Variants in TMEM245 observed in about 807,000 individuals in gnomAD.
The protein encoded by TMEM245 is protein CG-2.
A neutral mutation model predicts 101.2 loss-of-function variants in TMEM245; 69 were observed. The observed-to-expected ratio is 0.68, with a 90% CI of 0.56 to 0.83. The LOEUF (loss-of-function observed/expected upper bound fraction) is 0.83, where lower values mean the gene tolerates loss of function less well. TMEM245 is among the 40% of genes least tolerant of loss of function. TMEM245 has a pLI of 0.00. For synonymous variants in TMEM245, 537 were observed against 449.8 expected (o/e 1.19, Z -2.45); for missense variants, 1,075 against 1,092.8 (o/e 0.98, Z 0.23).
chr9:109,053,773 G>A (rs1828754476), intron 12 of TMEM245, among the ~76,000 whole-genome samples: 1 of 152,214 alleles, frequency 6.6e-6, no homozygotes, highest in African/African-American at 2.4e-5. Flanking sequence ...CGGTGAAGGA[G>A]ATTCAAACGC....
intron 17 of TMEM245, among the ~76,000 whole-genome samples, chr9:109,021,288 T>C (rs1163837412): frequency 6.6e-6 from 1 of 152,128 alleles, no homozygotes; most frequent in African/African-American, 2.4e-5. Context: ...GAACATGAGC[T>C]CAAGCACCCA....
At chr9:109,082,475 G>T (rs1829694372) in intron 7 of TMEM245, among the ~76,000 whole-genome samples, 2 of 152,216 alleles carry the variant, frequency 1.3e-5, no homozygotes. Flanking sequence ...GCTTCCTGGG[G>T]AAAGAGCTAG....
In TMEM245 at chr9:109,017,911, TG is replaced by T. The variant is rs1242191590; in HGVS notation, c.*2548del. 1 of 152,242 alleles carries T rather than the reference TG, an allele frequency of 6.6e-6. No individual in the cohort carries two copies. Among genetic ancestry groups the T allele is most frequent in the African/African-American group, 2.4e-5 (1 of 41,468 alleles). 9.4% of individuals were successfully genotyped at this position (152,242 alleles called of 1,614,324 possible). A position where few individuals can be genotyped will look rare whatever the true frequency, so the allele number is the denominator to read the frequency against. ...AGGGTTCCAAGACCTCCCCAGCTAG[TG>T]GACCTTCCTAGTCCTTATGCCGTTG... On this transcript the variant is annotated 3_prime_UTR_variant, in exon 18 of 18. Transcript: ENST00000374586.
chr9:109,088,073 T>C (rs1321643774), intron 5 of TMEM245, among the ~76,000 whole-genome samples: 5 of 152,156 alleles, frequency 3.3e-5, no homozygotes, highest in African/African-American at 7.2e-5. Flanking sequence ...ATTAAGAAGG[T>C]GGTAGGGCCA....
At chr9:109,093,003 T>C (rs1727664993) in intron 4 of TMEM245, among the ~76,000 whole-genome samples, 1 of 151,296 alleles carries the variant, frequency 6.6e-6, no homozygotes, top group South Asian at 2.1e-4. Flanking sequence ...AAAAAAAGGG[T>C]TGGGAAAAGG....
chr9:109,040,671 T>C (rs1828274291), intron 14 of TMEM245, among the ~76,000 whole-genome samples: 1 of 152,266 alleles, frequency 6.6e-6, no homozygotes, highest in Non-Finnish European at 1.5e-5. Flanking sequence ...TGCAGTTCAA[T>C]AGTGCTAAGT....
At chr9:109,107,886 T>C (rs1299749643) in intron 2 of TMEM245, among the ~76,000 whole-genome samples, 1 of 152,322 alleles carries the variant, frequency 6.6e-6, no homozygotes, top group East Asian at 1.9e-4. Context: ...GAATCATCCT[T>C]ATGTGGAAAA....
chr9:109,041,378 A>G (rs530311005), intron 14 of TMEM245, among the ~76,000 whole-genome samples: 1 of 152,046 alleles, frequency 6.6e-6, no homozygotes, highest in African/African-American at 2.4e-5. Context: ...CAGCACAGAT[A>G]GACAAATACT....
intron 17 of TMEM245, among the ~76,000 whole-genome samples, chr9:109,021,071 G>C (rs372918922): frequency 3.9e-5 from 6 of 152,210 alleles, no homozygotes; most frequent in African/African-American, 1.4e-4. Flanking sequence ...CAAGCTAAGC[G>C]AACAATGTTA....
chr9:109,093,084 T>C (rs1405669944), intron 4 of TMEM245, among the ~76,000 whole-genome samples: 2 of 151,698 alleles, frequency 1.3e-5, no homozygotes, highest in African/African-American at 2.4e-5. Flanking sequence ...CTGACAGTTG[T>C]AGAAGAAAGA....
intron 1 of TMEM245, among the ~76,000 whole-genome samples, chr9:109,117,364 C>T (rs1254789547): frequency 6.6e-6 from 1 of 151,766 alleles, no homozygotes; most frequent in South Asian, 2.1e-4. Flanking sequence ...GTGATCCACC[C>T]GCCTCGACCT....
chr9:109,089,053 T>A (rs966466), intron 5 of TMEM245, among the ~76,000 whole-genome samples: 65,103 of 150,830 alleles, frequency 0.43, 14,240 homozygotes, highest in African/African-American at 0.48. Context: ...AGGTGTGAGG[T>A]TTGCTTGAGT....
chr9:109,089,057 C>A (rs939671577), intron 5 of TMEM245, among the ~76,000 whole-genome samples: 2 of 151,884 alleles, frequency 1.3e-5, no homozygotes, highest in African/African-American at 4.8e-5. Context: ...GTGAGGTTTG[C>A]TTGAGTCCAG....
intron 7 of TMEM245, among the ~76,000 whole-genome samples, chr9:109,081,314 A>C (rs1408788200): frequency 6.6e-6 from 1 of 152,222 alleles, no homozygotes; most frequent in African/African-American, 2.4e-5. Flanking sequence ...CTGTATCATC[A>C]GTTTAACAAA....
intron 14 of TMEM245, among the ~76,000 whole-genome samples, chr9:109,041,053 C>A (rs2132343504): frequency 6.6e-6 from 1 of 152,304 alleles, no homozygotes; most frequent in East Asian, 1.9e-4. Context: ...TCCACGGACA[C>A]CAACCCAGAA....
chr9:109,099,019 G>A (rs185516055), intron 3 of TMEM245, among the ~76,000 whole-genome samples: 24 of 152,294 alleles, frequency 1.6e-4, no homozygotes, highest in African/African-American at 5.8e-4. Context: ...GATACTTCTT[G>A]ATCCACTCCA....
At chr9:109,097,155 A>C (rs1474461382) in intron 3 of TMEM245, among the ~76,000 whole-genome samples, 1 of 152,242 alleles carries the variant, frequency 6.6e-6, no homozygotes, top group Non-Finnish European at 1.5e-5. Flanking sequence ...CCATTTTAAC[A>C]AAAGTAAGCT....
intron 4 of TMEM245, among the ~76,000 whole-genome samples, chr9:109,092,700 C>A (rs1457197138): frequency 1.3e-5 from 2 of 152,176 alleles, no homozygotes; most frequent in Non-Finnish European, 1.5e-5. Flanking sequence ...CTAAATATTC[C>A]CTAACTCCAA....
At chr9:109,105,176 T>G (rs1830378217) in intron 3 of TMEM245, among the ~76,000 whole-genome samples, 1 of 152,170 alleles carries the variant, frequency 6.6e-6, no homozygotes, top group African/African-American at 2.4e-5. Context: ...CAATTTAATT[T>G]TTTTTAAAGG....
Sources: gnomAD v4.1 joint callset for allele counts (sites outside exome capture counted in the v4.1 genomes callset) on GRCh38, gnomAD v4.1.1 for gene constraint, MANE v1.5 for transcripts, NCBI Gene and HGNC (gene_info 2026-07-23, HGNC 2026-07-21) for gene names.